The following TASP1 variants were observed in gnomAD, a reference collection of about 807,000 sequenced individuals.
TASP1 encodes the protein taspase 1, also known as threonine aspartase 1.
Under a neutral mutation model 56.6 loss-of-function variants are expected in TASP1, and 16 were observed. The observed-to-expected ratio is 0.28, with a 90% CI of 0.19 to 0.43. The LOEUF (loss-of-function observed/expected upper bound fraction) is 0.43. Among genes scored for constraint, TASP1 ranks in the 20% least tolerant of loss-of-function variants. The pLI is 1.00. For missense variants in TASP1, 393 were observed against 511.6 expected, an observed-to-expected ratio of 0.77 and a Z score of 2.24; for synonymous variants, 179 against 184.2, an observed-to-expected ratio of 0.97 and a Z score of 0.23.
At chr20:13,616,358 T>A (rs1185887052) in intron 4 of TASP1, among the ~76,000 whole-genome samples, 1 of 152,106 alleles carries the variant, frequency 6.6e-6, no homozygotes, top group Non-Finnish European at 1.5e-5. Context: ...AACAAGGGCA[T>A]ACATAGAGAG....
chr20:13,404,114 A>G (rs2123670972), intron 13 of TASP1, among the ~76,000 whole-genome samples: 1 of 152,292 alleles, frequency 6.6e-6, no homozygotes, highest in African/African-American at 2.4e-5. Context: ...TGAAGCAATC[A>G]CTTTCTGATT....
chr20:13,252,787 T>C, the TASP1 span, among the ~76,000 whole-genome samples: 1 of 151,920 alleles, frequency 6.6e-6, no homozygotes, highest in Non-Finnish European at 1.5e-5. Context: ...CTTAAAACCA[T>C]GATGATAGTA....
chr20:13,362,462 AAGC>A, the TASP1 span, among the ~76,000 whole-genome samples: 5 of 141,926 alleles, frequency 3.5e-5, no homozygotes, highest in African/African-American at 1.4e-4. Flanking sequence ...CTGGCTCAAA[AAGC>A]TCCCCCACTG....
At chr20:13,479,844 T>G (rs940393997) in intron 11 of TASP1, among the ~76,000 whole-genome samples, 3 of 152,196 alleles carry the variant, frequency 2.0e-5, no homozygotes, top group African/African-American at 7.2e-5. Flanking sequence ...AAACCAAGGA[T>G]CAAATATAAT....
At chr20:13,489,502 G>C (rs1391082446) in intron 10 of TASP1, among the ~76,000 whole-genome samples, 1 of 151,658 alleles carries the variant, frequency 6.6e-6, no homozygotes, top group Non-Finnish European at 1.5e-5. Flanking sequence ...ACCATCCATG[G>C]CCACTGAGTG....
chr20:13,159,998 T>G, the TASP1 span: 1 of 1,597,902 alleles, frequency 6.3e-7, no homozygotes, highest in Non-Finnish European at 8.5e-7. Flanking sequence ...TTGCTTTTCC[T>G]TAAGGGCTTT....
At chr20:13,524,445 A>G (rs1029575405) in intron 10 of TASP1, among the ~76,000 whole-genome samples, 6 of 152,142 alleles carry the variant, frequency 3.9e-5, no homozygotes, top group African/African-American at 1.4e-4. Context: ...TGAAAAAGTA[A>G]GCATTCTTCT....
chr20:13,487,493 C>T (rs1291701942), intron 10 of TASP1, among the ~76,000 whole-genome samples: 1 of 152,168 alleles, frequency 6.6e-6, no homozygotes, highest in Non-Finnish European at 1.5e-5. Flanking sequence ...CCTAGGAGTG[C>T]CAGTCTCTAC....
chr20:13,388,067 A>C (rs868260777), downstream of TASP1, among the ~76,000 whole-genome samples: 2 of 152,256 alleles, frequency 1.3e-5, no homozygotes, highest in Non-Finnish European at 2.9e-5. Context: ...CAAGAGAACC[A>C]GATATCCAAC....
At chr20:13,330,022 T>G in the TASP1 span, among the ~76,000 whole-genome samples, 3 of 151,992 alleles carry the variant, frequency 2.0e-5, no homozygotes, top group Non-Finnish European at 4.4e-5. Context: ...AGTGACACAA[T>G]CTCAACTCAC....
At chr20:13,268,641 T>C in the TASP1 span, among the ~76,000 whole-genome samples, 1 of 152,114 alleles carries the variant, frequency 6.6e-6, no homozygotes, top group African/African-American at 2.4e-5. Flanking sequence ...TTTAAAGAGG[T>C]GACAGACGAG....
At chr20:13,247,350 T>C in the TASP1 span, among the ~76,000 whole-genome samples, 24 of 152,288 alleles carry the variant, frequency 1.6e-4, no homozygotes, top group South Asian at 4.8e-3. Flanking sequence ...AAATGTTGTG[T>C]CTTTAAGTGT....
At chr20:13,545,929 G>A (rs6109937) in intron 8 of TASP1, among the ~76,000 whole-genome samples, 2 of 152,078 alleles carry the variant, frequency 1.3e-5, no homozygotes, top group Admixed American at 6.5e-5. Context: ...ATTCCATTAA[G>A]ACTGCCATGT....
intron 11 of TASP1, among the ~76,000 whole-genome samples, chr20:13,436,009 G>A (rs1287362522): frequency 3.3e-5 from 5 of 152,234 alleles, no homozygotes; most frequent in South Asian, 4.1e-4. Context: ...TAAGGGCAGA[G>A]AAAGAGGCAG....
intron 4 of TASP1, among the ~76,000 whole-genome samples, chr20:13,617,932 C>G (rs2048577703): frequency 6.6e-6 from 1 of 152,156 alleles, no homozygotes; most frequent in South Asian, 2.1e-4. Flanking sequence ...GACTGGCAGG[C>G]CTTAGAAGTT....
At chr20:13,473,217 C>T (rs978049977) in intron 11 of TASP1, among the ~76,000 whole-genome samples, 12 of 152,018 alleles carry the variant, frequency 7.9e-5, no homozygotes, top group Admixed American at 7.9e-4. Context: ...AACCATCATT[C>T]TCAGCAAACT....
the TASP1 span, among the ~76,000 whole-genome samples, chr20:13,161,576 T>A: frequency 6.6e-6 from 1 of 152,050 alleles, no homozygotes; most frequent in African/African-American, 2.4e-5. Flanking sequence ...AGGAAAGACA[T>A]GTTCAGTGTA....
rs1209802193 is a variant in TASP1, at chr20:13,576,345, G to GAAAGAAAGA, written c.488+4543_488+4551dup. ...AAGAAAAGAGAAAGAAAGAAAGGAA[G>GAAAGAAAGA]AAAGAAAGAAAGAAAGAAAGAAAGA... On this transcript the variant is annotated intron_variant, in intron 6 of 13. Coordinates refer to ENST00000337743, the MANE Select transcript of TASP1 (RefSeq NM_017714.3). 1.8e-4 allele frequency among the ~76,000 whole-genome samples: 11 copies of GAAAGAAAGA among 61,778 alleles called. No homozygotes were observed. In the East Asian group the frequency reaches 3.6e-3, roughly 20 times the overall value. The allele number at this position is 61,778 out of a possible 152,430, so 40.5% of individuals were successfully genotyped here. A position where few individuals can be genotyped will look rare whatever the true frequency, so the allele number is the denominator to read the frequency against.
At chr20:13,474,620 T>C (rs1045247266) in intron 11 of TASP1, among the ~76,000 whole-genome samples, 6 of 152,124 alleles carry the variant, frequency 3.9e-5, no homozygotes, top group African/African-American at 1.2e-4. Context: ...CTTTTTCTTA[T>C]AATGACTTCA....
Sources: gnomAD v4.1 joint callset for allele counts (sites outside exome capture counted in the v4.1 genomes callset) on GRCh38, gnomAD v4.1.1 for gene constraint, MANE v1.5 for transcripts, NCBI Gene and HGNC (gene_info 2026-07-23, HGNC 2026-07-21) for gene names.